Variants in ATP2B4 observed in about 807,000 individuals in gnomAD.
The protein encoded by ATP2B4 is plasma membrane calcium-transporting ATPase 4.
A neutral mutation model predicts 110.3 loss-of-function variants in ATP2B4; 39 were observed. The ratio of observed to expected loss-of-function variants is 0.35; its 90% CI spans 0.27 to 0.46. ATP2B4 has a LOEUF of 0.46. Among genes scored for constraint, ATP2B4 ranks in the 20% least tolerant of loss-of-function variants. The probability of loss-of-function intolerance (pLI) is 1.00; values close to 1 mark genes in which losing one functional copy is unlikely to be tolerated. For missense variants in ATP2B4, 1,135 were observed against 1,530.9 expected (o/e 0.74, Z 4.32); for synonymous variants, 538 against 571.7 (o/e 0.94, Z 0.84).
intron 1 of ATP2B4, among the ~76,000 whole-genome samples, chr1:203,670,024 G>A (rs1664615444): frequency 2.0e-5 from 3 of 152,142 alleles, no homozygotes; most frequent in Admixed American, 6.5e-5. Flanking sequence ...GTCCATCACT[G>A]TGGATGCGAG....
At chr1:203,691,320 C>T (rs931294429) in intron 2 of ATP2B4, among the ~76,000 whole-genome samples, 5 of 152,336 alleles carry the variant, frequency 3.3e-5, no homozygotes, top group African/African-American at 9.6e-5. Flanking sequence ...AGCATTCCCT[C>T]CTTGGGTGAA....
intron 1 of ATP2B4, among the ~76,000 whole-genome samples, chr1:203,642,522 A>G (rs900475959): frequency 2.6e-5 from 4 of 152,224 alleles, no homozygotes; most frequent in Non-Finnish European, 5.9e-5. Flanking sequence ...AGATGAAAAG[A>G]GATTTCCTTA....
chr1:203,656,854 A>G (rs1377453660), intron 1 of ATP2B4: 4 of 398,932 alleles, frequency 1.0e-5, no homozygotes, highest in Admixed American at 4.3e-5. Context: ...AATGTTTACA[A>G]TGTAATAAAT....
At chr1:203,723,447 TCTCTCTCTCTCTCCCTCTGC>T (rs1388280207) in intron 18 of ATP2B4, among the ~76,000 whole-genome samples, 48 of 137,640 alleles carry the variant, frequency 3.5e-4, no homozygotes, top group African/African-American at 1.3e-3. Context: ...TCTCTCTCTC[TCTCTCTCTCTCTCCCTCTGC>T]CTCTCTCTCT....
At chr1:203,678,232 T>A (rs1287000053) in intron 1 of ATP2B4, among the ~76,000 whole-genome samples, 2 of 152,188 alleles carry the variant, frequency 1.3e-5, no homozygotes, top group East Asian at 3.8e-4. Context: ...AAGGTATCAC[T>A]CTTTTTCCTC....
In ATP2B4 at chr1:203,699,526, C is replaced by A; in HGVS notation, c.458C>A (p.Ala153Glu). 2 of 1,614,194 alleles carry A rather than the reference C, an allele frequency of 1.2e-6. No individual in the cohort carries two copies. The highest frequency in any genetic ancestry group is 1.7e-6 in the Non-Finnish European group (2 of 1,180,036). The change falls in exon 4 of 21, where the codon GCA becomes GAA. Residue 153 changes from alanine (A) to glutamate (E), a missense_variant. By Grantham distance (107) the Ala-to-Glu change is moderately radical (BLOSUM62 -1). This residue lies in a region of ATP2B4 where 101 missense variants were observed against 182.6 expected (regional missense o/e 0.55). Coordinates refer to ENST00000357681, the MANE Select transcript of ATP2B4 (RefSeq NM_001684.5). Reference sequence around the variant, plus strand: ...GCACAAGCTGGCTGGATTGAGGGGGCAGCCATCCTTTTCTCAGTGATCATC... The same window carrying A: ...GCACAAGCTGGCTGGATTGAGGGGGAAGCCATCCTTTTCTCAGTGATCATC... ...NEAQAGWIEGAAILFSVIIVV... is the reference protein window; with the variant it reads ...NEAQAGWIEGEAILFSVIIVV...
intron 1 of ATP2B4, among the ~76,000 whole-genome samples, chr1:203,636,617 G>A (rs920214509): frequency 6.6e-6 from 1 of 152,180 alleles, no homozygotes; most frequent in Admixed American, 6.5e-5. Context: ...AAGAGCACGG[G>A]ACTGGGAGTC....
At chr1:203,728,469 T>G (rs746778628) in intron 20 of ATP2B4, among the ~76,000 whole-genome samples, 11 of 152,182 alleles carry the variant, frequency 7.2e-5, no homozygotes, top group South Asian at 2.1e-4. Flanking sequence ...TCAAGGGTGG[T>G]CTCCAGAAAA....
intron 1 of ATP2B4, among the ~76,000 whole-genome samples, chr1:203,672,788 G>C (rs1464563973): frequency 6.6e-6 from 1 of 152,158 alleles, no homozygotes; most frequent in East Asian, 1.9e-4. Context: ...AGAAGACAGG[G>C]CTGGGAGGGG....
chr1:203,675,169 T>G (rs1438062639), intron 1 of ATP2B4, among the ~76,000 whole-genome samples: 1 of 152,224 alleles, frequency 6.6e-6, no homozygotes, highest in Non-Finnish European at 1.5e-5. Context: ...TCTTAAAACC[T>G]GTGACATGGG....
At chr1:203,678,748 G>A (rs1440540726) in intron 1 of ATP2B4, among the ~76,000 whole-genome samples, 3 of 152,146 alleles carry the variant, frequency 2.0e-5, no homozygotes, top group Non-Finnish European at 4.4e-5. Context: ...GCCAGAAAAT[G>A]AGGAGGTTTA....
chr1:203,677,937 C>A (rs1251243949), intron 1 of ATP2B4, among the ~76,000 whole-genome samples: 1 of 152,228 alleles, frequency 6.6e-6, no homozygotes, highest in African/African-American at 2.4e-5. Flanking sequence ...AGGCTCTCAG[C>A]CCATCGGGGA....
intron 1 of ATP2B4, among the ~76,000 whole-genome samples, chr1:203,640,653 T>C (rs1224253879): frequency 2.6e-5 from 4 of 152,162 alleles, no homozygotes; most frequent in Non-Finnish European, 5.9e-5. Context: ...ACAATGACAT[T>C]GGTAGAAGTA....
intron 14 of ATP2B4, 45 bp from the exon 15 acceptor site, chr1:203,714,126 G>A (rs201685722): frequency 1.9e-6 from 3 of 1,559,690 alleles, no homozygotes; most frequent in Admixed American, 1.7e-5. Flanking sequence ...ACTGAAGGGT[G>A]GGGGAGACCA....
intron 1 of ATP2B4, among the ~76,000 whole-genome samples, chr1:203,641,451 A>G (rs1253091166): frequency 6.6e-6 from 1 of 152,182 alleles, no homozygotes. Flanking sequence ...ATTCAACCCA[A>G]CTACATTCTT....
chr1:203,724,004 C>A lies in ATP2B4; in HGVS notation c.3132+16C>A. ...GTGGGGCCAGGTGAGTACCGGCACA[C>A]CCTCCTGGTGCATTCTCACAGCCTG... On this transcript the variant is annotated intron_variant, in intron 19 of 20. Coordinates refer to ENST00000357681, the MANE Select transcript of ATP2B4 (RefSeq NM_001684.5). 2 of 1,594,150 alleles carry A rather than the reference C, an allele frequency of 1.3e-6. No individual in the cohort carries two copies. Among genetic ancestry groups the A allele is most frequent in the Non-Finnish European group, 1.7e-6 (2 of 1,167,428 alleles).
rs2102247162 is a variant in ATP2B4 at position 203,742,043 on chromosome 1, T to G, written c.*2189T>G. On this transcript the variant is annotated 3_prime_UTR_variant, in exon 21 of 21. Coordinates refer to ENST00000357681, the MANE Select transcript of ATP2B4 (RefSeq NM_001684.5). ...TCTACTTTTTAAAAGTCAATGGTTT[T>G]TTTTCTTGTGTTCTAGTTTCCATAA... 6.5e-6 allele frequency: 1 copy of G among 152,778 alleles called. No homozygotes were observed. 9.5% of individuals were successfully genotyped at this position (152,778 alleles called of 1,614,324 possible).
chr1:203,630,530 C>G (rs1169465889), intron 1 of ATP2B4, among the ~76,000 whole-genome samples: 1 of 152,256 alleles, frequency 6.6e-6, no homozygotes, highest in Admixed American at 6.5e-5. Flanking sequence ...AGACAAACCC[C>G]GTTAGCCAAA....
At chr1:203,707,346 G>A in intron 9 of ATP2B4, 123 bp downstream of exon 9, 1 of 851,620 alleles carries the variant, frequency 1.2e-6, no homozygotes, top group Non-Finnish European at 1.8e-6. Context: ...TGCCTCACAA[G>A]AGCAGAAGTC....
Sources: allele counts gnomAD v4.1 joint callset (sites outside exome capture counted in the v4.1 genomes callset), GRCh38; gene constraint gnomAD v4.1.1; regional missense constraint gnomAD v4.1.1; transcripts MANE v1.5; gene names NCBI Gene and HGNC (gene_info 2026-07-23, HGNC 2026-07-21).